The following MAP3K1 variants were observed in gnomAD, a reference collection of about 807,000 sequenced individuals.
The protein encoded by MAP3K1 is MAP/ERK kinase kinase 1.
In MAP3K1, 36 loss-of-function variants were observed where a neutral mutation model predicts 144.2. That is an observed-to-expected ratio of 0.25 (90% CI 0.19 to 0.33). The LOEUF (loss-of-function observed/expected upper bound fraction) is 0.33, where lower values mean the gene tolerates loss of function less well. Among genes scored for constraint, MAP3K1 ranks in the 10% least tolerant of loss-of-function variants. The probability of loss-of-function intolerance (pLI) is 1.00; values close to 1 mark genes in which losing one functional copy is unlikely to be tolerated. For synonymous variants in MAP3K1, 718 were observed against 688.7 expected (o/e 1.04, Z -0.67); for missense variants, 1,650 against 1,881.9 (o/e 0.88, Z 2.28).
intron 1 of MAP3K1, among the ~76,000 whole-genome samples, chr5:56,845,919 T>G (rs1746978854): frequency 6.6e-6 from 1 of 152,214 alleles, no homozygotes; most frequent in Non-Finnish European, 1.5e-5. Flanking sequence ...TAGTTTACCT[T>G]AAGCCTGATG....
chr5:56,840,241 A>G (rs949009188), intron 1 of MAP3K1, among the ~76,000 whole-genome samples: 2 of 152,060 alleles, frequency 1.3e-5, no homozygotes, highest in African/African-American at 4.8e-5. Context: ...TCCGCCTCCC[A>G]AGTTCAAACG....
rs116600658 is a variant in MAP3K1, at chr5:56,857,966, C to T, written c.633+1216C>T. 2.2e-3 allele frequency among the ~76,000 whole-genome samples: 342 copies of T among 152,310 alleles called. 2 individuals carry two copies. Among genetic ancestry groups the T allele is most frequent in the African/African-American group, 7.7e-3 (320 of 41,582 alleles). On this transcript the variant is annotated intron_variant, in intron 2 of 19. Coordinates refer to ENST00000399503, the MANE Select transcript of MAP3K1 (RefSeq NM_005921.2). ...ATGGGCCCGTGAGTCCTTGTCTTTA[C>T]AGCTAAGTTTCTACATTTCTTCCAT...
At chr5:56,848,751 A>G (rs1291492129) in intron 1 of MAP3K1, among the ~76,000 whole-genome samples, 2 of 152,236 alleles carry the variant, frequency 1.3e-5, no homozygotes, top group African/African-American at 4.8e-5. Flanking sequence ...CTAATCCATG[A>G]TTTAGGGTAA....
chr5:56,829,172 T>G (rs908965390), intron 1 of MAP3K1, among the ~76,000 whole-genome samples: 5 of 151,658 alleles, frequency 3.3e-5, no homozygotes, highest in Non-Finnish European at 5.9e-5. Context: ...GCTGTTTTTC[T>G]TCTTTTTTTT....
chr5:56,821,923 TTAAC>T (rs1362956626), intron 1 of MAP3K1, among the ~76,000 whole-genome samples: 2 of 152,236 alleles, frequency 1.3e-5, no homozygotes, highest in African/African-American at 4.8e-5. Flanking sequence ...TATCTGAAGA[TTAAC>T]TTACTGTAGT....
At chr5:56,873,556 G>C (rs1414821607) in intron 9 of MAP3K1, among the ~76,000 whole-genome samples, 7 of 152,092 alleles carry the variant, frequency 4.6e-5, no homozygotes, top group African/African-American at 1.7e-4. Context: ...TCCTCAGTAA[G>C]TAGGGCTTTT....
intron 3 of MAP3K1, among the ~76,000 whole-genome samples, chr5:56,863,947 A>T (rs781230808): frequency 5.3e-5 from 8 of 152,104 alleles, no homozygotes; most frequent in Non-Finnish European, 8.8e-5. Context: ...ATTTGTTTTT[A>T]TTGAGGAAGA....
At chr5:56,866,473 G>C (rs1747677517) in intron 6 of MAP3K1, among the ~76,000 whole-genome samples, 1 of 152,294 alleles carries the variant, frequency 6.6e-6, no homozygotes, top group East Asian at 1.9e-4. Flanking sequence ...ATGTGAGTGT[G>C]TGTGTGTATA....
intron 1 of MAP3K1, among the ~76,000 whole-genome samples, chr5:56,842,799 T>C (rs1451558565): frequency 6.6e-6 from 1 of 152,198 alleles, no homozygotes; most frequent in East Asian, 1.9e-4. Context: ...TCCTGGTCGC[T>C]ACTTTATATG....
intron 1 of MAP3K1, among the ~76,000 whole-genome samples, chr5:56,828,328 CTGTGAAAAGAAAAGGT>C (rs1326641169): frequency 5.3e-5 from 8 of 152,264 alleles, no homozygotes; most frequent in Non-Finnish European, 1.2e-4. Context: ...CTTTTCTCAT[CTGTGAAAAGAAAAGGT>C]TGGTTTACAT....
chr5:56,820,141 A>G (rs1746109631), intron 1 of MAP3K1, among the ~76,000 whole-genome samples: 1 of 152,020 alleles, frequency 6.6e-6, no homozygotes, highest in Non-Finnish European at 1.5e-5. Context: ...TGTGTATGAT[A>G]TCTATTATAT....
At position 56,840,513 on chromosome 5, in the gene MAP3K1, C is replaced by T. The variant is rs897105614; in HGVS notation, c.483-16087C>T. ...GAAAACATTATTTAATAATACAAAACTTGTAAATATTTTAGCAATAACTGT... is the reference window on the plus strand; with the variant it reads ...GAAAACATTATTTAATAATACAAAATTTGTAAATATTTTAGCAATAACTGT... On this transcript the variant is annotated intron_variant, in intron 1 of 19. Transcript: ENST00000399503. Among the ~76,000 whole-genome samples the T allele has an allele frequency of 2.0e-5, 3 of 152,270 alleles. No homozygotes were observed. In the East Asian group the frequency reaches 5.8e-4, roughly 29 times the overall value.
Position 56,882,075 on chromosome 5 carries a change from A to C in MAP3K1, c.2875A>C (p.Lys959Gln). The change falls in exon 14 of 20, where the codon AAA (lysine) becomes CAA (glutamine). Residue 959 changes from lysine to glutamine, a missense_variant. Coordinates refer to ENST00000399503, the MANE Select transcript of MAP3K1 (RefSeq NM_005921.2). ...GCAACCAAAGCCAATGGTTCAAACA[A>C]AAGGCAGACCCCACAGTCAGTGTTT... ...TEQPKPMVQT[K>Q]GRPHSQCLNS... is the part of the protein sequence containing the mutation. 1 of 1,614,148 alleles carries C rather than the reference A, an allele frequency of 6.2e-7. No individual in the cohort carries two copies. Among genetic ancestry groups the C allele is most frequent in the Non-Finnish European group, 8.5e-7 (1 of 1,180,032 alleles).
At chr5:56,851,493 G>C (rs774732218) in intron 1 of MAP3K1, among the ~76,000 whole-genome samples, 18 of 152,112 alleles carry the variant, frequency 1.2e-4, no homozygotes, top group Non-Finnish European at 1.9e-4. Context: ...AGCTTATCAG[G>C]GGACCCGTGT....
At position 56,884,799 on chromosome 5, in the gene MAP3K1, T is replaced by G; in HGVS notation, c.3955T>G (p.Tyr1319Asp). The G allele has an allele frequency of 6.2e-7, 1 of 1,613,818 alleles. No individual in the cohort carries two copies. Among genetic ancestry groups the G allele is most frequent in the South Asian group, 1.1e-5 (1 of 91,072 alleles). ...GGGAGCCACGTGTGAGAAGAGCAAT[T>G]ACAATCTCTTCATTGAATGGATGGC... ...MLGATCEKSN[Y>D]NLFIEWMAGG... The change falls in exon 16 of 20, where the codon TAC becomes GAC. Residue 1319 changes from tyrosine to aspartate, a missense_variant. Around this residue, in one of 6 missense-constraint regions of MAP3K1, gnomAD observed 165 missense variants for 322.9 expected, o/e 0.51. Coordinates refer to ENST00000399503, the MANE Select transcript of MAP3K1 (RefSeq NM_005921.2).
chr5:56,856,845 C>T (rs1747358889), intron 2 of MAP3K1, 95 bp downstream of exon 2: 16 of 1,310,426 alleles, frequency 1.2e-5, no homozygotes, highest in Middle Eastern at 1.9e-4. Context: ...TTTTCTTCTT[C>T]ATTTTAAATG....
At chr5:56,817,185 A>G (rs894878337) in intron 1 of MAP3K1, 3 of 753,470 alleles carry the variant, frequency 4.0e-6, no homozygotes, top group East Asian at 1.3e-4. Context: ...GTTAAAGGAA[A>G]TTCTTTTAAG....
chr5:56,872,560 CTATAAT>C (rs750715927), intron 7 of MAP3K1, 75 bp from the exon 8 acceptor site: 163 of 837,934 alleles, frequency 1.9e-4, no homozygotes, highest in Non-Finnish European at 3.1e-4. Flanking sequence ...TATATAAATT[CTATAAT>C]TATAAACAGT....
chr5:56,887,724 A>G (rs1748426440), intron 18 of MAP3K1: 1 of 586,236 alleles, frequency 1.7e-6, no homozygotes, highest in Non-Finnish European at 3.0e-6. Flanking sequence ...ACAGGTTTTA[A>G]TAGATTTACT....
Sources: allele counts gnomAD v4.1 joint callset (sites outside exome capture counted in the v4.1 genomes callset), GRCh38; gene constraint gnomAD v4.1.1; regional missense constraint gnomAD v4.1.1; transcripts MANE v1.5; gene names NCBI Gene and HGNC (gene_info 2026-07-23, HGNC 2026-07-21).